Variants in KANSL1 observed in about 807,000 individuals in gnomAD.
KANSL1 encodes the protein MLL1/MLL complex subunit KANSL1.
A neutral mutation model predicts 103.6 loss-of-function variants in KANSL1; 22 were observed. The observed-to-expected ratio is 0.21, with a 90% CI of 0.15 to 0.30. The LOEUF (loss-of-function observed/expected upper bound fraction) is 0.30, where lower values mean the gene tolerates loss of function less well. Ranked by LOEUF, KANSL1 falls within the 10% of genes least tolerant of loss-of-function variation. The probability of loss-of-function intolerance (pLI) is 1.00; values close to 1 mark genes in which losing one functional copy is unlikely to be tolerated. For missense variants in KANSL1, 1,337 were observed against 1,399.8 expected, an observed-to-expected ratio of 0.96 and a Z score of 0.72; for synonymous variants, 600 against 527.6, an observed-to-expected ratio of 1.14 and a Z score of -1.88.
intron 3 of KANSL1, among the ~76,000 whole-genome samples, chr17:46,082,914 C>G (rs1389013863): frequency 1.3e-5 from 2 of 151,906 alleles, no homozygotes; most frequent in Non-Finnish European, 2.9e-5. Flanking sequence ...CAGTTTATGA[C>G]TTACTAAGCT....
chr17:46,200,038 T>TACACAC (rs143234563), intron 1 of KANSL1, among the ~76,000 whole-genome samples: 2,794 of 147,428 alleles, frequency 0.019, 78 homozygotes, highest in African/African-American at 0.064. Context: ...TCAATGAGTT[T>TACACAC]ACACACACAC....
At chr17:46,086,093 A>T (rs905639099) in intron 3 of KANSL1, among the ~76,000 whole-genome samples, 2 of 152,252 alleles carry the variant, frequency 1.3e-5, no homozygotes, top group Admixed American at 1.3e-4. Flanking sequence ...TAACTTTATA[A>T]TAATTATAGC....
At chr17:46,193,447 G>T, upstream of KANSL1, 1 of 152,486 alleles carries the variant, frequency 6.6e-6, no homozygotes, top group Non-Finnish European at 1.5e-5. Flanking sequence ...GCGAGCAAGC[G>T]GGCGAGCGCC....
chr17:46,184,590 C>T (rs2046931930), intron 1 of KANSL1, among the ~76,000 whole-genome samples: 1 of 152,220 alleles, frequency 6.6e-6, no homozygotes. Flanking sequence ...TCCAGCCTGT[C>T]CTCACTGCAG....
rs34473927 is a variant in KANSL1 at position 46,052,964 on chromosome 17, CAAAAAAAAAAAAAAAAAAA to C, written c.1849-2279_1849-2261del. Among the ~76,000 whole-genome samples, 137 of 32,988 alleles carry C rather than the reference CAAAAAAAAAAAAAAAAAAA, an allele frequency of 4.2e-3. 2 individuals carry two copies. Among genetic ancestry groups the C allele is most frequent in the East Asian group, 0.028 (34 of 1,236 alleles). 21.6% of individuals were successfully genotyped at this position (32,988 alleles called of 152,430 possible). A position where few individuals can be genotyped will look rare whatever the true frequency, so the allele number is the denominator to read the frequency against. On this transcript the variant is annotated intron_variant, in intron 6 of 14. Transcript: ENST00000432791. ...GGGAAAAAGAGTAAGATCCTGTCTC[CAAAAAAAAAAAAAAAAAAA>C]AAAAAAAAAAAAAAAAAAAAAAGGC...
rs928904706 is a variant in KANSL1 at position 46,031,275 on chromosome 17, G to A, written c.*201C>T. Reference sequence around the variant, plus strand: ...TTTGCCAACGGGAGGAAGTGCTCAGGTGTGTGACAAGAAAACATGGAAACA... The same window carrying A: ...TTTGCCAACGGGAGGAAGTGCTCAGATGTGTGACAAGAAAACATGGAAACA... On this transcript the variant is annotated 3_prime_UTR_variant, in exon 15 of 15. Transcript: ENST00000432791. The A allele has an allele frequency of 1.1e-5, 7 of 620,372 alleles. No homozygotes were observed. The highest frequency in any genetic ancestry group is 2.9e-5 in the Admixed American group (1 of 33,914). 38.4% of individuals were successfully genotyped at this position (620,372 alleles called of 1,614,324 possible).
chr17:46,039,408 C>A, intron 8 of KANSL1, 193 bp from the exon 9 acceptor site: 1 of 609,214 alleles, frequency 1.6e-6, no homozygotes, highest in Non-Finnish European at 2.8e-6. Flanking sequence ...ACCAGAGAAA[C>A]ATGTCACCAG....
rs943319820 is a variant in KANSL1, at chr17:46,074,578, G to A, written c.1534-6911C>T. ...AAGACAGTCATTTATTCCAGCCAGG[G>A]CAAAATGGCAAAACCTTGTCACTAC... On this transcript the variant is annotated intron_variant, in intron 4 of 14. Transcript: ENST00000432791. Among the ~76,000 whole-genome samples, 3 of 151,140 alleles carry A rather than the reference G, an allele frequency of 2.0e-5. No homozygotes were observed. In the Admixed American group the frequency reaches 2.0e-4, roughly 10 times the overall value.
chr17:46,105,925 ACACACACACACACACACACACACCC>A (rs2042529422), intron 2 of KANSL1, among the ~76,000 whole-genome samples: 9 of 96,336 alleles, frequency 9.3e-5, no homozygotes, highest in South Asian at 3.3e-4. Context: ...ACACACACAC[ACACACACACACACACACACACACCC>A]CCCCAGAAGG....
intron 1 of KANSL1, among the ~76,000 whole-genome samples, chr17:46,176,929 A>G (rs1230579063): frequency 6.6e-6 from 1 of 152,180 alleles, no homozygotes; most frequent in East Asian, 1.9e-4. Flanking sequence ...TTTTTCCGAA[A>G]AAATTCCCAT....
chr17:46,171,390 T>C lies in KANSL1; in HGVS notation c.754A>G (p.Thr252Ala), dbSNP rs368487719. 12 of 1,614,034 alleles carry C rather than the reference T, an allele frequency of 7.4e-6. No homozygotes were observed. The highest frequency in any genetic ancestry group is 1.0e-5 in the Non-Finnish European group (12 of 1,180,028). The part of the protein sequence containing the change: ...LQGSSRLSPG[T>A]DSSSNLGGVK... ...CCCCCCAAGTTAGAGCTGGAGTCTG[T>C]ACCAGGTGATAATCTACTGCTTCCT... The change falls in exon 2 of 15, where the codon ACA (threonine) becomes GCA (alanine). Residue 252 changes from threonine to alanine, a missense_variant. Transcript: ENST00000432791.
At chr17:46,218,968 T>C (rs1451024168) in intron 1 of KANSL1, among the ~76,000 whole-genome samples, 2 of 151,150 alleles carry the variant, frequency 1.3e-5, no homozygotes, top group Admixed American at 6.6e-5. Context: ...CGGTTAAGAG[T>C]GCTGAGATTA....
intron 5 of KANSL1, 110 bp downstream of exon 5, chr17:46,067,439 A>G (rs981748673): frequency 1.4e-5 from 10 of 727,492 alleles, no homozygotes; most frequent in African/African-American, 5.4e-5. Flanking sequence ...ACTAAGTGAT[A>G]AGGCTTCCGC....
At chr17:46,187,419 C>G (rs12450486) in intron 1 of KANSL1, among the ~76,000 whole-genome samples, 8,614 of 152,194 alleles carry the variant, frequency 0.057, 771 homozygotes, top group African/African-American at 0.18. Context: ...AGTAAGATCT[C>G]ATTTTGGATT....
At chr17:46,145,273 A>T (rs1318187609) in intron 2 of KANSL1, among the ~76,000 whole-genome samples, 3 of 151,910 alleles carry the variant, frequency 2.0e-5, no homozygotes, top group Non-Finnish European at 4.4e-5. Context: ...TTTCCAACTC[A>T]CTCTCTATGG....
chr17:46,215,477 A>G (rs2048311249), intron 1 of KANSL1, among the ~76,000 whole-genome samples: 1 of 152,238 alleles, frequency 6.6e-6, no homozygotes, highest in Non-Finnish European at 1.5e-5. Context: ...TGGAAGAGAG[A>G]AAGCAGTCAA....
intron 2 of KANSL1, among the ~76,000 whole-genome samples, chr17:46,108,162 T>C (rs1365780756): frequency 2.0e-5 from 3 of 152,286 alleles, no homozygotes; most frequent in South Asian, 4.1e-4. Context: ...TTACCATCTC[T>C]AAAAACCCAA....
intron 5 of KANSL1, among the ~76,000 whole-genome samples, chr17:46,066,999 G>C (rs139020462): frequency 5.3e-4 from 81 of 152,352 alleles, no homozygotes; most frequent in African/African-American, 1.9e-3. Flanking sequence ...TCAAGTTCTA[G>C]TGATTGAGTT....
rs2046325653 is a variant in KANSL1, at chr17:46,172,239, G to A, written c.-89-7C>T. On this transcript the variant is annotated splice_polypyrimidine_tract_variant and splice_region_variant and intron_variant, in intron 1 of 14. Coordinates refer to ENST00000432791, the MANE Select transcript of KANSL1 (RefSeq NM_015443.4). ...TGCCTCCCCAGAGAACAGACTAGAA[G>A]AGAAAGGAGAAAAGAATATTAGAAA... is the stretch of plus-strand genomic sequence containing the variant. The A allele has an allele frequency of 4.3e-6, 5 of 1,152,020 alleles. No individual in the cohort carries two copies. The highest frequency in any genetic ancestry group is 2.9e-5 in the South Asian group (2 of 68,866). 71.4% of individuals were successfully genotyped at this position (1,152,020 alleles called of 1,614,324 possible). A position where few individuals can be genotyped will look rare whatever the true frequency, so the allele number is the denominator to read the frequency against.
Sources: gnomAD v4.1 joint callset for allele counts (sites outside exome capture counted in the v4.1 genomes callset) on GRCh38, gnomAD v4.1.1 for gene constraint, MANE v1.5 for transcripts, NCBI Gene and HGNC (gene_info 2026-07-23, HGNC 2026-07-21) for gene names.